TNNT1: variants seen among roughly 807,000 people sequenced by gnomAD.
TNNT1 encodes troponin T1, slow skeletal type, also known as troponin T, slow skeletal muscle.
In TNNT1, 53 loss-of-function variants were observed where a neutral mutation model predicts 50.6. The ratio of observed to expected loss-of-function variants is 1.05; its 90% CI spans 0.84 to 1.32. The LOEUF (loss-of-function observed/expected upper bound fraction) is 1.32, where lower values mean the gene tolerates loss of function less well. Among genes scored for constraint, TNNT1 ranks in the 40% most tolerant of loss-of-function variants. The pLI, the probability that TNNT1 is intolerant of heterozygous loss-of-function variation, is 0.00. For synonymous variants in TNNT1, 142 were observed against 138.0 expected (o/e 1.03, Z -0.20); for missense variants, 348 against 381.7 (o/e 0.91, Z 0.74).
chr19:55,146,990 G>A lies in TNNT1; in HGVS notation c.46+18C>T, dbSNP rs2085569372. The A allele has an allele frequency of 6.2e-7, 1 of 1,602,092 alleles. No individual in the cohort carries two copies. Among genetic ancestry groups the A allele is most frequent in the Non-Finnish European group, 8.5e-7 (1 of 1,174,144 alleles). ...GGGCGTGTCCCCATCCCATAGGGCC[G>A]GCCCACTCCCTACTCACCTTCCGGC... On this transcript the variant is annotated intron_variant, in intron 3 of 13. Transcript: ENST00000588981.
chr19:55,137,699 C>T (rs1281727022), intron 10 of TNNT1, among the ~76,000 whole-genome samples: 1 of 148,056 alleles, frequency 6.8e-6, no homozygotes, highest in African/African-American at 2.5e-5. Flanking sequence ...CCCAGCCCCT[C>T]CTCCCTCAGA....
At position 55,141,284 on chromosome 19, in the gene TNNT1, T is replaced by G. The variant is rs772439230; in HGVS notation, c.211A>C (p.Met71Leu). The change falls in exon 8 of 14, where the codon ATG becomes CTG. Residue 71 changes from methionine (M) to leucine (L), a missense_variant. Coordinates refer to ENST00000588981, the MANE Select transcript of TNNT1 (RefSeq NM_003283.6). ...VDFDDIHRKR[M>L]EKDLLELQTL... ...TGCAGCTCCAGCAGGTCTTTCTCCA[T>G]GCGCTTGCGGTGGATGTCCTGCAGG... 1 of 1,614,158 alleles carries G rather than the reference T, an allele frequency of 6.2e-7. No homozygotes were observed. Among genetic ancestry groups the G allele is most frequent in the Non-Finnish European group, 8.5e-7 (1 of 1,179,994 alleles).
chr19:55,143,152 G>A (rs2085489523), intron 6 of TNNT1, among the ~76,000 whole-genome samples: 1 of 148,112 alleles, frequency 6.8e-6, no homozygotes, highest in Admixed American at 6.7e-5. Flanking sequence ...CTGGGTGACA[G>A]AGGGAGACTC....
chr19:55,146,649 C>A, intron 4 of TNNT1, 32 bp downstream of exon 4: 1 of 1,444,804 alleles, frequency 6.9e-7, no homozygotes, highest in Non-Finnish European at 9.2e-7. Flanking sequence ...CCCCACCCCC[C>A]AGCTCCAGAC....
In TNNT1 at chr19:55,134,190, C is replaced by T; in HGVS notation, c.626G>A (p.Trp209Ter). The change falls in exon 12 of 14, where the codon TGG becomes TAG. Residue 209 changes from tryptophan (W) to a stop codon, truncating the protein, a stop_gained. Coordinates refer to ENST00000588981, the MANE Select transcript of TNNT1 (RefSeq NM_003283.6). LOFTEE classifies it high-confidence loss of function. Reference protein sequence around the residue: ...GEEQLRARSAWLPPSQPSCPA... With the variant: ...GEEQLRARSA ...GCAGGAGGGCTGTGATGGAGGCAGC[C>T]AGGCAGACCGGGCCCTAGGCCCAGG... 1 of 1,579,224 alleles carries T rather than the reference C, an allele frequency of 6.3e-7. No individual in the cohort carries two copies. Among genetic ancestry groups the T allele is most frequent in the Admixed American group, 1.9e-5 (1 of 54,038 alleles).
chr19:55,149,074 A>G (rs2085632417), intron 1 of TNNT1, 87 bp downstream of exon 1: 1 of 449,460 alleles, frequency 2.2e-6, no homozygotes, highest in Non-Finnish European at 4.5e-6. Flanking sequence ...CCATTTCTCC[A>G]CACCCGACAT....
chr19:55,132,864 T>A lies in TNNT1; in HGVS notation c.*51A>T. 1 of 1,560,324 alleles carries A rather than the reference T, an allele frequency of 6.4e-7. No homozygotes were observed. Among genetic ancestry groups the A allele is most frequent in the Non-Finnish European group, 8.7e-7 (1 of 1,147,082 alleles). On this transcript the variant is annotated 3_prime_UTR_variant, in exon 14 of 14. Coordinates refer to ENST00000588981, the MANE Select transcript of TNNT1 (RefSeq NM_003283.6). ...GGGAGCGTTTATTTCAAGCTACCGA[T>A]GGGACAAACACTCCCAGGCTTCCCA...
chr19:55,146,586 G>A, intron 4 of TNNT1, 95 bp downstream of exon 4: 2 of 1,232,954 alleles, frequency 1.6e-6, no homozygotes, highest in Non-Finnish European at 1.1e-6. Flanking sequence ...CGGGAGCCGA[G>A]GCCGTCGGGA....
intron 6 of TNNT1, 34 bp downstream of exon 6, chr19:55,145,510 T>C: frequency 1.2e-6 from 2 of 1,611,662 alleles, no homozygotes; most frequent in Non-Finnish European, 1.7e-6. Flanking sequence ...TAGGAAGATG[T>C]ATGACTGGGG....
Position 55,145,714 on chromosome 19 carries a change from A to C in TNNT1, c.107-149T>G. On this transcript the variant is annotated intron_variant, in intron 5 of 13. Coordinates refer to ENST00000588981, the MANE Select transcript of TNNT1 (RefSeq NM_003283.6). The stretch of plus-strand genomic sequence containing the variant: ...GGAGTCCAGTTCTGGAGGAGGGGGG[A>C]TGGGGAGAAGAAAAGAGGGAAGGAA... 6 of 757,268 alleles carry C rather than the reference A, an allele frequency of 7.9e-6. No individual in the cohort carries two copies. The South Asian group carries it at 9.5e-5, about 12-fold the overall frequency. The allele number at this position is 757,268 out of a possible 1,614,324, so 46.9% of individuals were successfully genotyped here.
intron 6 of TNNT1, among the ~76,000 whole-genome samples, chr19:55,143,168 C>CAA (rs564659968): frequency 9.6e-4 from 121 of 126,636 alleles, no homozygotes; most frequent in East Asian, 2.6e-3. Flanking sequence ...GACTCTATCT[C>CAA]AAAAAAAAAA....
At chr19:55,144,717 C>T (rs958135493) in intron 6 of TNNT1, among the ~76,000 whole-genome samples, 13 of 152,204 alleles carry the variant, frequency 8.5e-5, no homozygotes, top group East Asian at 1.9e-4. Context: ...AACCATGAAA[C>T]GCTGTGTGTC....
At chr19:55,135,397 C>CTTCTTTTCT (rs1454011420) in intron 11 of TNNT1, 2 of 225,688 alleles carry the variant, frequency 8.9e-6, no homozygotes, top group African/African-American at 5.7e-5. Flanking sequence ...TCCTTCCTTC[C>CTTCTTTTCT]TTCTTTTCTT....
At chr19:55,135,102 C>A (rs1356097728) in intron 11 of TNNT1, among the ~76,000 whole-genome samples, 1 of 152,130 alleles carries the variant, frequency 6.6e-6, no homozygotes, top group African/African-American at 2.4e-5. Flanking sequence ...AGTTGAAAAA[C>A]TACTTTGCCC....
chr19:55,138,153 C>A (rs1482795093), intron 9 of TNNT1, 79 bp from the exon 10 acceptor site: 1 of 1,609,334 alleles, frequency 6.2e-7, no homozygotes, highest in African/African-American at 1.3e-5. Context: ...GGAACTGGGG[C>A]ACAGGGATCA....
At chr19:55,141,079 A>T in intron 8 of TNNT1, 107 bp downstream of exon 8, 1 of 1,480,668 alleles carries the variant, frequency 6.8e-7, no homozygotes, top group Non-Finnish European at 9.4e-7. Flanking sequence ...GCGAAAGCCT[A>T]AGGCTCAGCT....
intron 13 of TNNT1, among the ~76,000 whole-genome samples, chr19:55,133,378 G>T (rs1371277790): frequency 1.3e-5 from 2 of 151,920 alleles, no homozygotes; most frequent in East Asian, 3.9e-4. Flanking sequence ...GAAACAGAGA[G>T]ATTCAGGGAA....
intron 1 of TNNT1, among the ~76,000 whole-genome samples, chr19:55,147,830 C>T (rs2085608278): frequency 2.0e-5 from 3 of 148,784 alleles, no homozygotes; most frequent in Admixed American, 6.7e-5. Flanking sequence ...GAGCTGGGGC[C>T]TGGACTCCTG....
rs1211342646 is a variant in TNNT1 at position 55,134,038 on chromosome 19, C to G, written c.750+28G>C. On this transcript the variant is annotated intron_variant, in intron 12 of 13. Coordinates refer to ENST00000588981, the MANE Select transcript of TNNT1 (RefSeq NM_003283.6). ...TCCCAGCCCAGCCCTGCCCTCTCTC[C>G]CTCCCTCCCTGCGGAGCTGGGTCTC... is the stretch of plus-strand genomic sequence containing the variant. 2.5e-6 allele frequency: 4 copies of G among 1,611,780 alleles called. No individual in the cohort carries two copies. The East Asian group carries it at 8.9e-5, about 36-fold the overall frequency.
Sources: gnomAD v4.1 joint callset for allele counts (sites outside exome capture counted in the v4.1 genomes callset) on GRCh38, gnomAD v4.1.1 for gene constraint, MANE v1.5 for transcripts, NCBI Gene and HGNC (gene_info 2026-07-23, HGNC 2026-07-21) for gene names.